The following DTD1 variants were observed in gnomAD, a reference collection of about 807,000 sequenced individuals.
DTD1 encodes D-aminoacyl-tRNA deacylase 1, also known as D-tyrosyl-tRNA deacylase 1 homolog.
A neutral mutation model predicts 25.6 loss-of-function variants in DTD1; 13 were observed. The ratio of observed to expected loss-of-function variants is 0.51; its 90% CI spans 0.33 to 0.81. The LOEUF is 0.81. DTD1 is among the 30% of genes least tolerant of loss of function. DTD1 has a pLI of 0.02. For missense variants in DTD1, 193 were observed against 266.4 expected, an observed-to-expected ratio of 0.72 and a Z score of 1.92; for synonymous variants, 110 against 103.6, an observed-to-expected ratio of 1.06 and a Z score of -0.37.
chr20:18,642,327 T>C (rs1458405131), intron 4 of DTD1, among the ~76,000 whole-genome samples: 1 of 152,194 alleles, frequency 6.6e-6, no homozygotes, highest in African/African-American at 2.4e-5. Flanking sequence ...TTAAGTTTAT[T>C]TTCATTGTCT....
chr20:18,696,298 T>C (rs1239976946), intron 4 of DTD1, among the ~76,000 whole-genome samples: 1 of 152,136 alleles, frequency 6.6e-6, no homozygotes, highest in Non-Finnish European at 1.5e-5. Flanking sequence ...TCTCGGAGTC[T>C]CATTGTAGGT....
At chr20:18,617,058 C>T (rs958004643) in intron 3 of DTD1, among the ~76,000 whole-genome samples, 1 of 152,116 alleles carries the variant, frequency 6.6e-6, no homozygotes, top group African/African-American at 2.4e-5. Flanking sequence ...CCTGAATTTC[C>T]TCCGCACTTC....
At chr20:18,760,219 CCTT>C (rs1455851889) in intron 5 of DTD1, among the ~76,000 whole-genome samples, 2 of 152,164 alleles carry the variant, frequency 1.3e-5, no homozygotes, top group African/African-American at 2.4e-5. Context: ...TCATCTGAAG[CCTT>C]CTTCTCTCAA....
At chr20:18,689,900 G>GCGGGGGCAGGAGGATCACTTGAGC (rs1221288982) in intron 4 of DTD1, among the ~76,000 whole-genome samples, 11 of 152,386 alleles carry the variant, frequency 7.2e-5, no homozygotes, top group African/African-American at 2.6e-4. Context: ...TACTTGGGAG[G>GCGGGGGCAGGAGGATCACTTGAGC]CTGGGGCAGG....
chr20:18,754,963 C>T (rs1391753861), intron 5 of DTD1, among the ~76,000 whole-genome samples: 1 of 152,182 alleles, frequency 6.6e-6, no homozygotes, highest in East Asian at 1.9e-4. Context: ...AGTAGTAGCA[C>T]AGTTAATTCT....
At chr20:18,656,568 C>T (rs1041557434) in intron 4 of DTD1, among the ~76,000 whole-genome samples, 1 of 152,198 alleles carries the variant, frequency 6.6e-6, no homozygotes, top group African/African-American at 2.4e-5. Flanking sequence ...GCAGGTAACA[C>T]GAAGGAGCAC....
chr20:18,638,814 G>A (rs1179023929), intron 4 of DTD1, among the ~76,000 whole-genome samples: 1 of 152,186 alleles, frequency 6.6e-6, no homozygotes, highest in African/African-American at 2.4e-5. Flanking sequence ...GCTTGTGACA[G>A]GGTGGCAGAG....
intron 4 of DTD1, among the ~76,000 whole-genome samples, chr20:18,740,284 T>A (rs2061272224): frequency 6.6e-6 from 1 of 152,194 alleles, no homozygotes; most frequent in Non-Finnish European, 1.5e-5. Context: ...TTATTTAATT[T>A]TGTGACTGTT....
intron 4 of DTD1, among the ~76,000 whole-genome samples, chr20:18,704,122 T>A (rs927799081): frequency 6.6e-6 from 1 of 151,716 alleles, no homozygotes; most frequent in Non-Finnish European, 1.5e-5. Context: ...TGCTTCAGCC[T>A]CCTGAGTAGC....
chr20:18,680,616 A>G (rs1411353348), intron 4 of DTD1, among the ~76,000 whole-genome samples: 1 of 152,028 alleles, frequency 6.6e-6, no homozygotes, highest in East Asian at 1.9e-4. Context: ...AGCATCTGGT[A>G]TCGCTGCCTC....
At chr20:18,735,774 A>G (rs1043648987) in intron 4 of DTD1, among the ~76,000 whole-genome samples, 1 of 152,162 alleles carries the variant, frequency 6.6e-6, no homozygotes, top group Non-Finnish European at 1.5e-5. Flanking sequence ...TAGGACATCT[A>G]TGAGAAGCTG....
intron 4 of DTD1, among the ~76,000 whole-genome samples, chr20:18,722,719 AGGT>A (rs2061209007): frequency 1.3e-5 from 2 of 152,318 alleles, no homozygotes; most frequent in Admixed American, 1.3e-4. Context: ...CATAGCAGGT[AGGT>A]GGACCTGCTG....
intron 4 of DTD1, among the ~76,000 whole-genome samples, chr20:18,647,896 G>A (rs2060856212): frequency 2.0e-5 from 3 of 152,154 alleles, no homozygotes; most frequent in Admixed American, 2.0e-4. Flanking sequence ...AGGGTAGAGA[G>A]GAACAGAGCA....
chr20:18,588,279 C>A (rs1331014540), intron 1 of DTD1, among the ~76,000 whole-genome samples, 164 bp downstream of exon 1: 4 of 151,832 alleles, frequency 2.6e-5, no homozygotes, highest in East Asian at 3.9e-4. Context: ...TCCCCAGGGC[C>A]GGCTTCGGGG....
intron 3 of DTD1, among the ~76,000 whole-genome samples, chr20:18,613,022 T>C (rs1273483514): frequency 6.6e-6 from 1 of 152,154 alleles, no homozygotes; most frequent in Non-Finnish European, 1.5e-5. Context: ...TCCGTCATGA[T>C]CAAGGAAATC....
chr20:18,685,853 A>G (rs1271947591), intron 4 of DTD1, among the ~76,000 whole-genome samples: 1 of 152,222 alleles, frequency 6.6e-6, no homozygotes, highest in Non-Finnish European at 1.5e-5. Context: ...CAGGCAGATA[A>G]GTTCCCCTCT....
intron 4 of DTD1, chr20:18,632,052 C>T (rs1009042727): frequency 1.9e-5 from 16 of 853,482 alleles, no homozygotes; most frequent in East Asian, 1.2e-4. Context: ...GAATAAAGGA[C>T]GGTAACTGTG....
At chr20:18,689,068 A>C (rs6112066) in intron 4 of DTD1, among the ~76,000 whole-genome samples, 2 of 152,120 alleles carry the variant, frequency 1.3e-5, no homozygotes, top group Non-Finnish European at 2.9e-5. Context: ...GCTGTGTTAA[A>C]GTTTAATGCG....
chr20:18,616,397 G>A (rs6075378), intron 3 of DTD1, among the ~76,000 whole-genome samples: 77,585 of 151,898 alleles, frequency 0.51, 20,173 homozygotes, highest in Middle Eastern at 0.56. Flanking sequence ...CTGTCTTTTC[G>A]TGATTTCATT....
Sources: gnomAD v4.1 joint callset for allele counts (sites outside exome capture counted in the v4.1 genomes callset) on GRCh38, gnomAD v4.1.1 for gene constraint, MANE v1.5 for transcripts, NCBI Gene and HGNC (gene_info 2026-07-23, HGNC 2026-07-21) for gene names.